The following CIC variants were observed in gnomAD, a reference collection of about 807,000 sequenced individuals.
CIC encodes the protein capicua transcriptional repressor.
In CIC, 18 loss-of-function variants were observed where a neutral mutation model predicts 115.7. The ratio of observed to expected loss-of-function variants is 0.16; its 90% CI spans 0.11 to 0.23. The LOEUF (loss-of-function observed/expected upper bound fraction) is 0.23. CIC is among the 10% of genes least tolerant of loss of function. The probability of loss-of-function intolerance (pLI) is 1.00; values close to 1 mark genes in which losing one functional copy is unlikely to be tolerated. For synonymous variants in CIC, 1,076 were observed against 923.0 expected (o/e 1.17, Z -3.01); for missense variants, 2,000 against 2,159.3 (o/e 0.93, Z 1.46).
At chr19:42,290,129 G>C in intron 10 of CIC, 104 bp from the exon 11 acceptor site, 2 of 1,549,540 alleles carry the variant, frequency 1.3e-6, no homozygotes, top group Non-Finnish European at 1.8e-6. Context: ...CAGGGGTGCA[G>C]CCCTAGGCTG....
chr19:42,288,078 T>G, intron 7 of CIC, 103 bp downstream of exon 7: 1 of 1,355,544 alleles, frequency 7.4e-7, no homozygotes, highest in South Asian at 1.3e-5. Flanking sequence ...TCCTCTCTGC[T>G]CTATCGCTTT....
At chr19:42,284,718 A>G in intron 2 of CIC, 1 of 1,553,650 alleles carries the variant, frequency 6.4e-7, no homozygotes, top group South Asian at 1.2e-5. Context: ...TATTCGGCCC[A>G]CAGGCCCCTG....
chr19:42,295,340 C>G lies in CIC; in HGVS notation c.*149C>G, dbSNP rs1200684538. On this transcript the variant is annotated 3_prime_UTR_variant, in exon 21 of 21. Transcript: ENST00000681038. ...AGGCCTGCTCCTCTTGTAAATACCC[C>G]CTTCCCTCGAAGCTCCCTCCCGGTG... 8 of 695,806 alleles carry G rather than the reference C, an allele frequency of 1.1e-5. No homozygotes were observed. The highest frequency in any genetic ancestry group is 5.5e-5 in the East Asian group (2 of 36,112). 43.1% of individuals were successfully genotyped at this position (695,806 alleles called of 1,614,324 possible).
At position 42,286,940 on chromosome 19, in the gene CIC, G is replaced by A. The variant is rs760872029; in HGVS notation, c.2944+20G>A. 2.0e-5 allele frequency: 32 copies of A among 1,608,924 alleles called. No homozygotes were observed. The highest frequency in any genetic ancestry group is 2.6e-5 in the Non-Finnish European group (31 of 1,179,608). ...GCAAAGGTGAGGGCTGGTGGGGACT[G>A]GGGGGAGGCAAGGGTGTGGGGTCCA... On this transcript the variant is annotated intron_variant, in intron 3 of 20. Transcript: ENST00000681038.
intron 2 of CIC, among the ~76,000 whole-genome samples, chr19:42,276,730 G>A (rs1240756890): frequency 1.3e-5 from 2 of 152,144 alleles, no homozygotes; most frequent in Non-Finnish European, 2.9e-5. Context: ...AACTAAATCA[G>A]AGGGTCTCTA....
Position 42,280,532 on chromosome 19 carries a change from T to C in CIC, c.2794+5955T>C, listed in dbSNP as rs903240799. On this transcript the variant is annotated intron_variant, in intron 2 of 20. Transcript: ENST00000681038. The surrounding 1 kb of genome is among the most constrained non-coding windows in gnomAD (Gnocchi z 4.9). ...GACCGCTGATTGGCCGAGACCTGCT[T>C]CTCCGCCCCTGAGCGATTAACCCCT... is the stretch of plus-strand genomic sequence containing the variant. Among the ~76,000 whole-genome samples, 1 of 152,052 alleles carries C rather than the reference T, an allele frequency of 6.6e-6. No homozygotes were observed. Among genetic ancestry groups the C allele is most frequent in the African/African-American group, 2.4e-5 (1 of 41,384 alleles).
At chr19:42,269,744 T>G (rs1164913138) in intron 1 of CIC, among the ~76,000 whole-genome samples, 3 of 59,396 alleles carry the variant, frequency 5.1e-5, no homozygotes, top group African/African-American at 7.0e-5. Context: ...CAGAGATAAA[T>G]GGGGGTGACA....
At position 42,294,805 on chromosome 19, in the gene CIC, A is replaced by C. The variant is rs1430774654; in HGVS notation, c.7187-19A>C. 2.5e-6 allele frequency: 4 copies of C among 1,605,430 alleles called. No homozygotes were observed. The highest frequency in any genetic ancestry group is 1.1e-5 in the South Asian group (1 of 91,068). ...CTGTACATCTCATCCTGTGCTCCCC[A>C]CCGTTTTTCTATCTCCAGCCCAGGC... On this transcript the variant is annotated intron_variant, in intron 20 of 20. Transcript: ENST00000681038.
Position 42,287,185 on chromosome 19 carries a change from G to A in CIC, c.3124G>A (p.Gly1042Ser), listed in dbSNP as rs769885524. The A allele has an allele frequency of 6.8e-6, 11 of 1,613,466 alleles. No homozygotes were observed. Among genetic ancestry groups the A allele is most frequent in the Admixed American group, 1.7e-5 (1 of 59,994 alleles). ...PPPTTEEEAS[G>S]PPGEPRLDSE... ...TCCCACCACGGAGGAGGAGGCCTCCGGCCCCCCAGGAGAGCCCCGGCTGGA... is the reference window on the plus strand; with the variant it reads ...TCCCACCACGGAGGAGGAGGCCTCCAGCCCCCCAGGAGAGCCCCGGCTGGA... Residue 1042 changes from glycine (G) to serine (S), a missense_variant, in exon 4 of 21, where the codon GGC (glycine) becomes AGC (serine). By Grantham distance (56) the Gly-to-Ser change is moderately conservative. This residue lies in a region of CIC where 222 missense variants were observed against 247.7 expected (regional missense o/e 0.90). Transcript: ENST00000681038. The surrounding 1 kb of genome is among the most constrained non-coding windows in gnomAD (Gnocchi z 8.7).
intron 2 of CIC, among the ~76,000 whole-genome samples, chr19:42,276,009 C>T (rs768401901): frequency 1.3e-5 from 2 of 152,138 alleles, no homozygotes; most frequent in Admixed American, 6.5e-5. Flanking sequence ...GCCAGGAGGC[C>T]GTGGGAGCCC....
At position 42,291,415 on chromosome 19, in the gene CIC, A is replaced by G. The variant is rs537253892; in HGVS notation, c.5374A>G (p.Thr1792Ala). The G allele has an allele frequency of 6.2e-7, 1 of 1,611,966 alleles. No homozygotes were observed. Among genetic ancestry groups the G allele is most frequent in the South Asian group, 1.1e-5 (1 of 91,026 alleles). ...NGKVLAATAP[T>A]PGIPILQSVP... is the part of the protein sequence containing the mutation. The stretch of plus-strand genomic sequence containing the variant: ...CAAAGTCCTGGCTGCCACTGCACCC[A>G]CTCCTGGCATCCCCATCCTGCAGTC... Residue 1792 changes from threonine (T) to alanine (A), a missense_variant, in exon 11 of 21, where the codon ACT becomes GCT. By Grantham distance (58) the Thr-to-Ala change is moderately conservative. Around this residue, in one of 8 missense-constraint regions of CIC, gnomAD observed 1,466 missense variants for 1,390.4 expected, o/e 1.05. Coordinates refer to ENST00000681038, the MANE Select transcript of CIC (RefSeq NM_001386298.1).
At chr19:42,283,806 A>G (rs924432030) in intron 2 of CIC, among the ~76,000 whole-genome samples, 1 of 151,218 alleles carries the variant, frequency 6.6e-6, no homozygotes, top group African/African-American at 2.4e-5. Context: ...CCTCCCTGCC[A>G]CCCTCCTACC....
At chr19:42,291,791 AC>A in intron 12 of CIC, 46 bp downstream of exon 12, 2 of 1,602,920 alleles carry the variant, frequency 1.2e-6, no homozygotes, top group Non-Finnish European at 1.7e-6. Flanking sequence ...TGGCCCCTGT[AC>A]CCCATCATTT....
At chr19:42,269,094 A>T (rs995629264), upstream of CIC, 1 of 152,032 alleles carries the variant, frequency 6.6e-6, no homozygotes, top group Non-Finnish European at 1.5e-5. Flanking sequence ...CCCGCCCCCT[A>T]GCGCTGCCCG....
In CIC at chr19:42,295,275, G is replaced by A. The variant is rs1340800292; in HGVS notation, c.*84G>A. The A allele has an allele frequency of 1.0e-5, 13 of 1,246,436 alleles. No individual in the cohort carries two copies. In the Admixed American group the frequency reaches 1.3e-4, roughly 12 times the overall value. The allele number at this position is 1,246,436 out of a possible 1,614,324, so 77.2% of individuals were successfully genotyped here. The stretch of plus-strand genomic sequence containing the variant: ...GGGGGCAGGAAGGTTATCTCCTCCC[G>A]GGTAAAGCCATTTCGTCCTCTCCAG... On this transcript the variant is annotated 3_prime_UTR_variant, in exon 21 of 21. Transcript: ENST00000681038.
chr19:42,284,315 G>GCGCGT (rs2037436716), intron 2 of CIC: 1 of 145,436 alleles, frequency 6.9e-6, no homozygotes, highest in Non-Finnish European at 1.5e-5. Flanking sequence ...CCCCGCGCAC[G>GCGCGT]CGCGTCGCGC....
At chr19:42,293,564 G>C (rs773662599) in intron 16 of CIC, 28 bp from the exon 17 acceptor site, 1 of 1,613,554 alleles carries the variant, frequency 6.2e-7, no homozygotes, top group South Asian at 1.1e-5. Flanking sequence ...CTCAGTGTTC[G>C]CCATCTCCCT....
At position 42,272,533 on chromosome 19, in the gene CIC, T is replaced by C; in HGVS notation, c.750T>C (p.Gly250=). Residue 250 remains glycine (G), a synonymous_variant, in exon 2 of 21, where the codon GGT becomes GGC. Transcript: ENST00000681038. ...LTFYEGVPGA[G]VDVVLDATPP... is the part of the protein sequence containing the mutation. ...TCTATGAGGGGGTGCCAGGCGCTGG[T>C]GTGGATGTAGTTTTGGATGCCACAC... 2.5e-6 allele frequency: 1 copy of C among 398,500 alleles called. No individual in the cohort carries two copies. Among genetic ancestry groups the C allele is most frequent in the Non-Finnish European group, 4.4e-6 (1 of 226,026 alleles). The allele number at this position is 398,500 out of a possible 1,614,324, so 24.7% of individuals were successfully genotyped here.
intron 2 of CIC, chr19:42,284,634 G>C (rs2037483264): frequency 8.2e-7 from 1 of 1,215,164 alleles, no homozygotes; most frequent in East Asian, 2.9e-5. Flanking sequence ...GCCGAGGAGC[G>C]GGCTGCGGGC....
Sources: allele counts gnomAD v4.1 joint callset (sites outside exome capture counted in the v4.1 genomes callset), GRCh38; gene constraint gnomAD v4.1.1; regional missense constraint gnomAD v4.1.1; non-coding constraint Gnocchi (gnomAD v3.1); transcripts MANE v1.5; gene names NCBI Gene and HGNC (gene_info 2026-07-23, HGNC 2026-07-21).